RIN3: variants seen among roughly 807,000 people sequenced by gnomAD.
RIN3 encodes the protein Ras and Rab interactor 3.
A neutral mutation model predicts 76.3 loss-of-function variants in RIN3; 54 were observed. The observed-to-expected ratio is 0.71, with a 90% CI of 0.57 to 0.89. The LOEUF is 0.89. Among genes scored for constraint, RIN3 ranks in the 40% least tolerant of loss-of-function variants. The pLI is 0.00. For synonymous variants in RIN3, 576 were observed against 564.0 expected, an observed-to-expected ratio of 1.02 and a Z score of -0.30; for missense variants, 1,256 against 1,322.1, an observed-to-expected ratio of 0.95 and a Z score of 0.78.
chr14:92,633,918 A>T (rs1029880744), intron 4 of RIN3, among the ~76,000 whole-genome samples: 1 of 151,892 alleles, frequency 6.6e-6, no homozygotes, highest in African/African-American at 2.4e-5. Context: ...CTGTGTCATG[A>T]TGTCAAAAGT....
chr14:92,639,699 T>A (rs1452201609), intron 4 of RIN3, among the ~76,000 whole-genome samples: 1 of 152,338 alleles, frequency 6.6e-6, no homozygotes, highest in Admixed American at 6.5e-5. Context: ...CCTTTTCCTT[T>A]CCGGGCCCCT....
At chr14:92,673,657 C>T (rs564722232) in intron 7 of RIN3, among the ~76,000 whole-genome samples, 115 of 152,302 alleles carry the variant, frequency 7.6e-4, no homozygotes, top group African/African-American at 2.7e-3. Context: ...AGGCTTACGC[C>T]ACCACTCCTG....
At chr14:92,616,534 C>T (rs773214692) in intron 4 of RIN3, among the ~76,000 whole-genome samples, 1 of 152,096 alleles carries the variant, frequency 6.6e-6, no homozygotes, top group Non-Finnish European at 1.5e-5. Context: ...CATATCTTCC[C>T]TGAGAGAGGT....
At chr14:92,545,582 CT>C (rs11324822) in intron 1 of RIN3, among the ~76,000 whole-genome samples, 42,222 of 114,140 alleles carry the variant, frequency 0.37, 5,611 homozygotes, top group East Asian at 0.53. Flanking sequence ...TTTTCTTTTT[CT>C]TTTTTTTTTT....
At chr14:92,556,906 C>T (rs1213664323) in intron 2 of RIN3, among the ~76,000 whole-genome samples, 1 of 152,050 alleles carries the variant, frequency 6.6e-6, no homozygotes, top group Non-Finnish European at 1.5e-5. Context: ...TAAAATTAGC[C>T]ATTTAAAAGT....
In RIN3 at chr14:92,593,180, A is replaced by C. The variant is rs918082688; in HGVS notation, c.367+15703A>C. 7.2e-5 allele frequency among the ~76,000 whole-genome samples: 11 copies of C among 152,218 alleles called. No individual in the cohort carries two copies. In the East Asian group the frequency reaches 1.9e-3, roughly 27 times the overall value. The stretch of plus-strand genomic sequence containing the variant: ...AAAATAATTTAAAAAGAAGTATAAT[A>C]AAGGAGAGAAAATAGAATCATATAA... On this transcript the variant is annotated intron_variant, in intron 3 of 9. Coordinates refer to ENST00000216487, the MANE Select transcript of RIN3 (RefSeq NM_024832.5).
At chr14:92,567,911 ATAAT>A (rs1016887273) in intron 2 of RIN3, among the ~76,000 whole-genome samples, 5 of 152,194 alleles carry the variant, frequency 3.3e-5, no homozygotes, top group Admixed American at 6.5e-5. Context: ...ATCTATAATA[ATAAT>A]TAATAATTAG....
intron 7 of RIN3, among the ~76,000 whole-genome samples, chr14:92,666,203 G>A (rs1328253408): frequency 6.6e-6 from 1 of 152,296 alleles, no homozygotes; most frequent in Non-Finnish European, 1.5e-5. Flanking sequence ...TTGCTATGAT[G>A]CAGGCAACAG....
At chr14:92,592,694 GAGAC>G (rs1847658900) in intron 3 of RIN3, among the ~76,000 whole-genome samples, 5 of 133,416 alleles carry the variant, frequency 3.7e-5, no homozygotes, top group Admixed American at 3.7e-4. Context: ...TTATTATTGT[GAGAC>G]AGAGTCTTAC....
In RIN3 at chr14:92,652,983, G is replaced by A. The variant is rs763001473; in HGVS notation, c.1934G>A (p.Arg645His). Residue 645 changes from arginine to histidine, a missense_variant, in exon 6 of 10, where the codon CGC becomes CAC. Around this residue, in one of 3 missense-constraint regions of RIN3, gnomAD observed 428 missense variants for 521.2 expected, o/e 0.82. Coordinates refer to ENST00000216487, the MANE Select transcript of RIN3 (RefSeq NM_024832.5). This position sits in a 1 kb window ranked among gnomAD's most constrained non-coding sequence, Gnocchi z 6.4. ...TSSTEMLQEI[R>H]TMMTQLKSYL... ...AGCACGGAGATGCTGCAGGAGATTCGCACCATGATGACCCAGCTCAAGAGC... is the reference window on the plus strand; with the variant it reads ...AGCACGGAGATGCTGCAGGAGATTCACACCATGATGACCCAGCTCAAGAGC... 8 of 1,613,194 alleles carry A rather than the reference G, an allele frequency of 5.0e-6. No individual in the cohort carries two copies. The highest frequency in any genetic ancestry group is 1.7e-5 in the Admixed American group (1 of 60,000).
intron 1 of RIN3, among the ~76,000 whole-genome samples, chr14:92,552,018 G>A (rs1275777755): frequency 6.6e-6 from 1 of 152,232 alleles, no homozygotes; most frequent in Non-Finnish European, 1.5e-5. Flanking sequence ...CATGAGCGTG[G>A]GCTCCAGGTG....
intron 3 of RIN3, among the ~76,000 whole-genome samples, chr14:92,604,719 A>G (rs565849412): frequency 6.6e-6 from 1 of 152,154 alleles, no homozygotes; most frequent in South Asian, 2.1e-4. Context: ...GGTAAAATCA[A>G]TCAACATCTC....
chr14:92,535,930 A>G (rs1167785543), intron 1 of RIN3, among the ~76,000 whole-genome samples: 1 of 151,740 alleles, frequency 6.6e-6, no homozygotes, highest in Non-Finnish European at 1.5e-5. Context: ...AGAAGGGACC[A>G]GGCTTCATTT....
At chr14:92,671,420 G>A (rs1416396332) in intron 7 of RIN3, among the ~76,000 whole-genome samples, 1 of 152,202 alleles carries the variant, frequency 6.6e-6, no homozygotes, top group Non-Finnish European at 1.5e-5. Flanking sequence ...TGTTATGTGG[G>A]AGGGTGATGG....
intron 1 of RIN3, among the ~76,000 whole-genome samples, chr14:92,522,789 C>G (rs1896634456): frequency 6.6e-6 from 1 of 152,108 alleles, no homozygotes; most frequent in Admixed American, 6.6e-5. Flanking sequence ...TGAACATTTC[C>G]CAATTTTCTT....
At chr14:92,608,393 A>G (rs950117506) in intron 3 of RIN3, among the ~76,000 whole-genome samples, 1 of 152,228 alleles carries the variant, frequency 6.6e-6, no homozygotes, top group African/African-American at 2.4e-5. Flanking sequence ...GCAATTAAAT[A>G]AATATTTGAG....
At chr14:92,534,355 G>A (rs928418176) in intron 1 of RIN3, among the ~76,000 whole-genome samples, 4 of 151,458 alleles carry the variant, frequency 2.6e-5, no homozygotes, top group African/African-American at 4.9e-5. Context: ...TGAGGTGGGC[G>A]GATCACTTGA....
chr14:92,554,339 G>C (rs1029630719), intron 1 of RIN3, among the ~76,000 whole-genome samples: 2 of 152,150 alleles, frequency 1.3e-5, no homozygotes, highest in Admixed American at 6.5e-5. Context: ...ACAGAACTGT[G>C]AACAGTAGGC....
rs1212494334 is a variant in RIN3, at chr14:92,568,057, A to G, written c.250-9303A>G. On this transcript the variant is annotated intron_variant, in intron 2 of 9. Coordinates refer to ENST00000216487, the MANE Select transcript of RIN3 (RefSeq NM_024832.5). The surrounding 1 kb of genome is among the most constrained non-coding windows in gnomAD (Gnocchi z 4.2). ...TGAGGACATTGAGACCCCAAGAAGTAAAAGTAACTTGCCCACGGCTGGTGA... is the reference window on the plus strand; with the variant it reads ...TGAGGACATTGAGACCCCAAGAAGTGAAAGTAACTTGCCCACGGCTGGTGA... 1.3e-5 allele frequency among the ~76,000 whole-genome samples: 2 copies of G among 152,194 alleles called. No individual in the cohort carries two copies. Among genetic ancestry groups the G allele is most frequent in the East Asian group, 1.9e-4 (1 of 5,194 alleles).
Sources: allele counts gnomAD v4.1 joint callset (sites outside exome capture counted in the v4.1 genomes callset), GRCh38; gene constraint gnomAD v4.1.1; regional missense constraint gnomAD v4.1.1; non-coding constraint Gnocchi (gnomAD v3.1); transcripts MANE v1.5; gene names NCBI Gene and HGNC (gene_info 2026-07-23, HGNC 2026-07-21).